ROBO2: variants seen among roughly 807,000 people sequenced by gnomAD.
ROBO2 encodes the protein roundabout homolog 2.
ROBO2 carries 53 observed loss-of-function variants against 160.8 expected under a neutral mutation model. The observed-to-expected ratio is 0.33, with a 90% CI of 0.26 to 0.41. The LOEUF (loss-of-function observed/expected upper bound fraction) is 0.41. Among genes scored for constraint, ROBO2 ranks in the 10% least tolerant of loss-of-function variants. The pLI is 1.00. For synonymous variants in ROBO2, 664 were observed against 611.7 expected (o/e 1.09, Z -1.26); for missense variants, 1,577 against 1,722.4 (o/e 0.92, Z 1.49).
intron 2 of ROBO2, among the ~76,000 whole-genome samples, chr3:76,114,888 A>G (rs1411938157): frequency 2.0e-5 from 3 of 152,130 alleles, no homozygotes; most frequent in African/African-American, 2.4e-5. Flanking sequence ...CACCAACCTA[A>G]TACTAAATGC....
intron 2 of ROBO2, among the ~76,000 whole-genome samples, chr3:77,394,447 TA>T (rs962808904): frequency 4.6e-5 from 7 of 151,964 alleles, no homozygotes; most frequent in African/African-American, 9.7e-5. Context: ...GAACTACTAT[TA>T]AAAAAAACTA....
Position 77,327,225 on chromosome 3 carries a change from G to A in ROBO2, c.389-150189G>A, listed in dbSNP as rs528453897. Among the ~76,000 whole-genome samples, 7 of 152,254 alleles carry A rather than the reference G, an allele frequency of 4.6e-5. No homozygotes were observed. The South Asian group carries it at 1.2e-3, about 27-fold the overall frequency. On this transcript the variant is annotated intron_variant, in intron 2 of 25. Coordinates refer to ENST00000461745, the Ensembl canonical transcript of ROBO2. ...GTAACTAGTACAAGTTCTGCATAGC[G>A]GCAGTTCTATGAGAATACTTCTAAC...
At chr3:77,017,750 AT>A (rs141830735) in intron 2 of ROBO2, among the ~76,000 whole-genome samples, 23,823 of 150,026 alleles carry the variant, frequency 0.16, 2,143 homozygotes, top group African/African-American at 0.25. Context: ...TAATTTTTCT[AT>A]TTTTTTTTTC....
At chr3:77,424,076 T>C (rs899632335) in intron 2 of ROBO2, among the ~76,000 whole-genome samples, 2 of 151,982 alleles carry the variant, frequency 1.3e-5, no homozygotes, top group Non-Finnish European at 2.9e-5. Context: ...TCTTTAAGAG[T>C]GGAGTTAAAG....
chr3:76,172,848 TAA>T (rs1006036140), intron 2 of ROBO2, among the ~76,000 whole-genome samples: 3 of 152,168 alleles, frequency 2.0e-5, no homozygotes, highest in Non-Finnish European at 2.9e-5. Flanking sequence ...AAAAATATAA[TAA>T]GTTACATTTT....
At chr3:76,247,320 A>C (rs1705681311) in intron 2 of ROBO2, among the ~76,000 whole-genome samples, 1 of 152,130 alleles carries the variant, frequency 6.6e-6, no homozygotes, top group Admixed American at 6.6e-5. Flanking sequence ...GGATAACTTT[A>C]GCCTCTTCCC....
intron 2 of ROBO2, among the ~76,000 whole-genome samples, chr3:75,985,658 T>C (rs2065394622): frequency 6.6e-6 from 1 of 151,568 alleles, no homozygotes; most frequent in African/African-American, 2.4e-5. Context: ...GCAATAATCA[T>C]CACCATCCAT....
intron 2 of ROBO2, among the ~76,000 whole-genome samples, chr3:76,218,910 C>G (rs1341073882): frequency 6.6e-6 from 1 of 152,162 alleles, no homozygotes; most frequent in Non-Finnish European, 1.5e-5. Flanking sequence ...TGACTTCAAA[C>G]TATACTACAA....
chr3:77,477,643 A>G (rs2084179198), intron 3 of ROBO2, 72 bp downstream of exon 3: 8 of 1,323,018 alleles, frequency 6.0e-6, no homozygotes, highest in Non-Finnish European at 8.6e-6. Flanking sequence ...GATGTATTTT[A>G]TTCTTTAACA....
chr3:77,588,944 A>G lies in ROBO2; in HGVS notation c.2683+11A>G. 1.2e-6 allele frequency: 2 copies of G among 1,612,304 alleles called. No homozygotes were observed. The highest frequency in any genetic ancestry group is 1.7e-6 in the Non-Finnish European group (2 of 1,178,490). ...TCAGTAATTATGCTGGTAAGTGACT[A>G]TTTCCAGCTAAGAAAATCTCTTGTC... is the stretch of plus-strand genomic sequence containing the variant. On this transcript the variant is annotated intron_variant, in intron 17 of 25. Coordinates refer to ENST00000461745, the Ensembl canonical transcript of ROBO2.
chr3:77,555,135 T>G (rs2093064678), intron 8 of ROBO2, among the ~76,000 whole-genome samples: 2 of 151,988 alleles, frequency 1.3e-5, no homozygotes. Context: ...ATCATTAGCA[T>G]TTTTTAGCAA....
chr3:76,723,818 T>C (rs2093503469), intron 2 of ROBO2, among the ~76,000 whole-genome samples: 1 of 152,160 alleles, frequency 6.6e-6, no homozygotes, highest in Admixed American at 6.5e-5. Flanking sequence ...TAAGTGTGAG[T>C]TGTCTACTAC....
intron 2 of ROBO2, among the ~76,000 whole-genome samples, chr3:76,131,720 C>T (rs1276328464): frequency 6.6e-6 from 1 of 152,100 alleles, no homozygotes; most frequent in Non-Finnish European, 1.5e-5. Flanking sequence ...GATACGTTTT[C>T]TTTGATTTTA....
chr3:76,136,371 A>T (rs1559581614), intron 2 of ROBO2, among the ~76,000 whole-genome samples: 1 of 152,172 alleles, frequency 6.6e-6, no homozygotes, highest in Non-Finnish European at 1.5e-5. Flanking sequence ...AATGACTTAA[A>T]ATGAACAGTG....
chr3:76,034,787 C>T (rs1301340321), intron 2 of ROBO2, among the ~76,000 whole-genome samples: 3 of 152,038 alleles, frequency 2.0e-5, no homozygotes, highest in Non-Finnish European at 4.4e-5. Flanking sequence ...ATTTATGAGC[C>T]TTGCCTGGTT....
chr3:77,498,048 A>AT (rs1190143662), intron 5 of ROBO2, among the ~76,000 whole-genome samples: 1 of 152,158 alleles, frequency 6.6e-6, no homozygotes, highest in Non-Finnish European at 1.5e-5. Flanking sequence ...CTAATTGTGA[A>AT]TTCTTATCTG....
chr3:76,874,681 T>G (rs1237764757), intron 2 of ROBO2, among the ~76,000 whole-genome samples: 2 of 150,336 alleles, frequency 1.3e-5, no homozygotes, highest in Admixed American at 1.3e-4. Context: ...AACATTAAAT[T>G]AAAATATAGA....
chr3:76,650,197 T>C (rs916367903), intron 2 of ROBO2, among the ~76,000 whole-genome samples: 1 of 151,808 alleles, frequency 6.6e-6, no homozygotes, highest in African/African-American at 2.4e-5. Context: ...ACACAAAAAA[T>C]AAAAAACTGA....
chr3:77,026,984 G>A (rs2063007961), intron 2 of ROBO2, among the ~76,000 whole-genome samples: 1 of 152,092 alleles, frequency 6.6e-6, no homozygotes, highest in African/African-American at 2.4e-5. Flanking sequence ...TTTTTAGAAG[G>A]GAGGTTAATG....
Sources: gnomAD v4.1 joint callset for allele counts (sites outside exome capture counted in the v4.1 genomes callset) on GRCh38, gnomAD v4.1.1 for gene constraint, MANE v1.5 for transcripts, NCBI Gene and HGNC (gene_info 2026-07-23, HGNC 2026-07-21) for gene names.